KAT14: variants seen among roughly 807,000 people sequenced by gnomAD.
KAT14 encodes the protein cysteine-rich protein 2-binding protein.
A neutral mutation model predicts 78.4 loss-of-function variants in KAT14; 66 were observed. The observed-to-expected ratio is 0.84, with a 90% CI of 0.69 to 1.03. The LOEUF (loss-of-function observed/expected upper bound fraction) is 1.03, where lower values mean the gene tolerates loss of function less well. Ranked by LOEUF, KAT14 falls within the 50% of genes least tolerant of loss-of-function variation. KAT14 has a pLI of 0.00. For synonymous variants in KAT14, 344 were observed against 359.4 expected (o/e 0.96, Z 0.48); for missense variants, 870 against 972.5 (o/e 0.89, Z 1.40).
At chr20:18,179,958 TC>T (rs1379049177) in intron 7 of KAT14, among the ~76,000 whole-genome samples, 1 of 151,958 alleles carries the variant, frequency 6.6e-6, no homozygotes, top group African/African-American at 2.4e-5. Context: ...AACCTCTACC[TC>T]CCAGGTTCAA....
rs2039492048 is a variant in KAT14, at chr20:18,187,683, TCCCAGA to T, written c.*226_*231del. The T allele has an allele frequency of 9.0e-6, 5 of 554,978 alleles. No individual in the cohort carries two copies. The highest frequency in any genetic ancestry group is 1.2e-5 in the Non-Finnish European group (4 of 328,340). The allele number at this position is 554,978 out of a possible 1,614,324, so 34.4% of individuals were successfully genotyped here. A position where few individuals can be genotyped will look rare whatever the true frequency, so the allele number is the denominator to read the frequency against. On this transcript the variant is annotated 3_prime_UTR_variant, in exon 11 of 11. Transcript: ENST00000688188. ...TTCCTGGAGATGCCTTCAGCCAGCATCCCAGACTCCACAGTTATTTATGAATGATGT... is the reference window on the plus strand; with the variant it reads ...TTCCTGGAGATGCCTTCAGCCAGCATCTCCACAGTTATTTATGAATGATGT...
intron 2 of KAT14, 170 bp downstream of exon 2, chr20:18,143,089 A>T: frequency 1.4e-6 from 2 of 1,403,036 alleles, no homozygotes; most frequent in Non-Finnish European, 1.9e-6. Flanking sequence ...GTTTGTACTA[A>T]TGAAACGTAC....
intron 7 of KAT14, among the ~76,000 whole-genome samples, chr20:18,175,439 T>G (rs1000962191): frequency 6.6e-6 from 1 of 152,076 alleles, no homozygotes; most frequent in Non-Finnish European, 1.5e-5. Context: ...CTGACCCATC[T>G]GTGGGGCAGA....
intron 7 of KAT14, among the ~76,000 whole-genome samples, chr20:18,168,651 CTT>C (rs750582363): frequency 1.3e-5 from 2 of 151,870 alleles, no homozygotes; most frequent in African/African-American, 2.4e-5. Flanking sequence ...TGTTAAGTGT[CTT>C]TTATTTTCTC....
In KAT14 at chr20:18,162,436, C is replaced by T. The variant is rs755029106; in HGVS notation, c.1159C>T (p.Pro387Ser). ...CCCAGGGATGGAGTACGTCCCACCCCCTGCTGGGTCAGTAGCTTCTGGGCC... is the reference window on the plus strand; with the variant it reads ...CCCAGGGATGGAGTACGTCCCACCCTCTGCTGGGTCAGTAGCTTCTGGGCC... ...IDPGMEYVPP[P>S]AGSVASGPVV... Residue 387 changes from proline (P) to serine (S), a missense_variant, in exon 7 of 11, where the codon CCT (proline) becomes TCT (serine). By Grantham distance (74) the Pro-to-Ser change is moderately conservative. Transcript: ENST00000688188. The T allele has an allele frequency of 5.0e-6, 8 of 1,614,114 alleles. No homozygotes were observed. The highest frequency in any genetic ancestry group is 6.8e-6 in the Non-Finnish European group (8 of 1,180,022).
chr20:18,162,044 A>T lies in KAT14; in HGVS notation c.904A>T (p.Ile302Phe). 6.2e-7 allele frequency: 1 copy of T among 1,614,210 alleles called. No individual in the cohort carries two copies. The highest frequency in any genetic ancestry group is 8.5e-7 in the Non-Finnish European group (1 of 1,180,034). Reference sequence around the variant, plus strand: ...AAGCCGAGGCCGCAGGCCAGATGTGATTCTGGAAAAAGGCGAAGTGATTGA... The same window carrying T: ...AAGCCGAGGCCGCAGGCCAGATGTGTTTCTGGAAAAAGGCGAAGTGATTGA... ...FISRGRRPDV[I>F]LEKGEVIDFS... Residue 302 changes from isoleucine (I) to phenylalanine (F), a missense_variant, in exon 6 of 11, where the codon ATT becomes TTT. Coordinates refer to ENST00000688188, the MANE Select transcript of KAT14 (RefSeq NM_001392073.1).
upstream of KAT14, among the ~76,000 whole-genome samples, chr20:18,137,467 G>A (rs931670307): frequency 2.0e-5 from 3 of 152,204 alleles, no homozygotes; most frequent in African/African-American, 4.8e-5. Context: ...GGTGGCGCCT[G>A]CCCCGCCAAA....
intron 7 of KAT14, among the ~76,000 whole-genome samples, chr20:18,163,521 C>T (rs999369371): frequency 1.6e-4 from 24 of 152,264 alleles, no homozygotes; most frequent in African/African-American, 5.5e-4. Context: ...TTTGCTAGCA[C>T]TTGACACTAA....
chr20:18,166,571 G>T (rs1014408033), intron 7 of KAT14, among the ~76,000 whole-genome samples: 1 of 152,316 alleles, frequency 6.6e-6, no homozygotes, highest in African/African-American at 2.4e-5. Flanking sequence ...TTAACAAGAA[G>T]GAAAACTTTG....
intron 1 of KAT14, among the ~76,000 whole-genome samples, chr20:18,141,023 A>ATTTTTTTTTTTTTTTTTTTTTTT (rs67633205): frequency 8.2e-5 from 4 of 48,760 alleles, no homozygotes; most frequent in African/African-American, 1.1e-4. Context: ...ACTCCCTGCA[A>ATTTTTTTTTTTTTTTTTTTTTTT]TTTTTTTTTT....
At chr20:18,186,410 C>G (rs921682534) in intron 10 of KAT14, among the ~76,000 whole-genome samples, 1 of 152,160 alleles carries the variant, frequency 6.6e-6, no homozygotes, top group East Asian at 1.9e-4. Flanking sequence ...GGTAAGTGCT[C>G]TCTTGTCCTA....
At chr20:18,141,801 T>G (rs984805819) in intron 1 of KAT14, among the ~76,000 whole-genome samples, 1 of 152,152 alleles carries the variant, frequency 6.6e-6, no homozygotes, top group Non-Finnish European at 1.5e-5. Flanking sequence ...GGAGAATCAC[T>G]TGAACCCAGG....
chr20:18,140,484 C>T (rs1236758838), intron 1 of KAT14, among the ~76,000 whole-genome samples: 1 of 152,008 alleles, frequency 6.6e-6, no homozygotes, highest in African/African-American at 2.4e-5. Flanking sequence ...GGCCCCACTC[C>T]CATTAATTCT....
chr20:18,174,178 T>A (rs573966408), intron 7 of KAT14, among the ~76,000 whole-genome samples: 8 of 152,250 alleles, frequency 5.3e-5, no homozygotes, highest in Non-Finnish European at 1.2e-4. Flanking sequence ...TAATATTCCA[T>A]TGTATGGATA....
At chr20:18,179,704 A>G (rs992861015) in intron 7 of KAT14, among the ~76,000 whole-genome samples, 3 of 152,134 alleles carry the variant, frequency 2.0e-5, no homozygotes, top group African/African-American at 7.2e-5. Context: ...GGGGATTAAC[A>G]TTCGGCTCCT....
At chr20:18,179,114 A>C (rs6034988) in intron 7 of KAT14, among the ~76,000 whole-genome samples, 6,397 of 152,266 alleles carry the variant, frequency 0.042, 413 homozygotes, top group African/African-American at 0.14. Flanking sequence ...ACACTGATGC[A>C]AAAGGTAGGT....
intron 7 of KAT14, among the ~76,000 whole-genome samples, chr20:18,179,569 C>T (rs900218491): frequency 1.3e-5 from 2 of 152,194 alleles, no homozygotes; most frequent in Non-Finnish European, 2.9e-5. Context: ...ACCTTGGCCC[C>T]TTTTAGCAAT....
chr20:18,164,604 ACTTGTT>A (rs5840799), intron 7 of KAT14, among the ~76,000 whole-genome samples: 67,262 of 101,582 alleles, frequency 0.66, 18,186 homozygotes, highest in South Asian at 0.7. Flanking sequence ...TCATCTATTC[ACTTGTT>A]CTTGTTCTTT....
At chr20:18,148,603 A>ATTTTTTTTTTTTTTTTTTTTTTTT (rs978610988) in intron 3 of KAT14, among the ~76,000 whole-genome samples, 1 of 142,870 alleles carries the variant, frequency 7.0e-6, no homozygotes. Context: ...ACTGGGGTTC[A>ATTTTTTTTTTTTTTTTTTTTTTTT]TTTTTTTTTG....
Sources: gnomAD v4.1 joint callset for allele counts (sites outside exome capture counted in the v4.1 genomes callset) on GRCh38, gnomAD v4.1.1 for gene constraint, MANE v1.5 for transcripts, NCBI Gene and HGNC (gene_info 2026-07-23, HGNC 2026-07-21) for gene names.